FRYL: variants seen among roughly 807,000 people sequenced by gnomAD.
The protein encoded by FRYL is protein furry homolog-like.
In FRYL, 150 loss-of-function variants were observed where a neutral mutation model predicts 351.2. The ratio of observed to expected loss-of-function variants is 0.43; its 90% confidence interval spans 0.37 to 0.49. The LOEUF (loss-of-function observed/expected upper bound fraction) is 0.49. FRYL is among the 20% of genes least tolerant of loss of function. The pLI, the probability that FRYL is intolerant of heterozygous loss-of-function variation, is 0.00. For missense variants in FRYL, 3,036 were observed against 3,619.3 expected (o/e 0.84, Z 4.13); for synonymous variants, 1,153 against 1,257.1 (o/e 0.92, Z 1.75).
chr4:48,683,164 C>T (rs867577626), intron 3 of FRYL, among the ~76,000 whole-genome samples: 2 of 151,226 alleles, frequency 1.3e-5, no homozygotes, highest in African/African-American at 4.9e-5. Flanking sequence ...CAAACTAACA[C>T]AAGAACAGAA....
In FRYL at chr4:48,548,812, T is replaced by C. The variant is rs1165066861; in HGVS notation, c.4785-19A>G. 4 of 1,425,000 alleles carry C rather than the reference T, an allele frequency of 2.8e-6. No homozygotes were observed. Among genetic ancestry groups the C allele is most frequent in the Non-Finnish European group, 2.9e-6 (3 of 1,024,838 alleles). The allele number at this position is 1,425,000 out of a possible 1,614,324, so 88.3% of individuals were successfully genotyped here. On this transcript the variant is annotated intron_variant, in intron 39 of 63. Coordinates refer to ENST00000358350, the MANE Select transcript of FRYL (RefSeq NM_015030.2). ...GTTACACCTATGACAAATAAGAGTT[T>C]CATTAACGTTTTACTAGATCTCAGT...
At chr4:48,569,017 C>G (rs936044722) in intron 27 of FRYL, among the ~76,000 whole-genome samples, 1 of 152,138 alleles carries the variant, frequency 6.6e-6, no homozygotes, top group African/African-American at 2.4e-5. Context: ...CTATTAATAA[C>G]TCTTTAAAAA....
At position 48,510,993 on chromosome 4, in the gene FRYL, A is replaced by G. The variant is rs767012191; in HGVS notation, c.8146-9T>C. The G allele has an allele frequency of 6.2e-7, 1 of 1,602,518 alleles. No individual in the cohort carries two copies. Among genetic ancestry groups the G allele is most frequent in the African/African-American group, 1.3e-5 (1 of 74,338 alleles). ...AACTTTCTTTGAATTGTCTATGGAGAAAAGCAGAAGAAAGAGTTTAGTGTT... is the reference window on the plus strand; with the variant it reads ...AACTTTCTTTGAATTGTCTATGGAGGAAAGCAGAAGAAAGAGTTTAGTGTT... On this transcript the variant is annotated splice_polypyrimidine_tract_variant and intron_variant, in intron 57 of 63. Coordinates refer to ENST00000358350, the MANE Select transcript of FRYL (RefSeq NM_015030.2).
chr4:48,578,862 C>T, intron 23 of FRYL, 111 bp downstream of exon 23: 4 of 862,228 alleles, frequency 4.6e-6, no homozygotes, highest in Middle Eastern at 2.4e-4. Context: ...TGCAGTATCA[C>T]ATATTATTTA....
chr4:48,515,412 G>C, intron 55 of FRYL, 137 bp from the exon 56 acceptor site: 3 of 660,354 alleles, frequency 4.5e-6, no homozygotes, highest in East Asian at 2.8e-5. Context: ...ACCCAGGCTG[G>C]AGTGGAGTGC....
At chr4:48,602,580 A>G (rs776998152) in intron 12 of FRYL, among the ~76,000 whole-genome samples, 5 of 152,176 alleles carry the variant, frequency 3.3e-5, no homozygotes, top group Admixed American at 2.0e-4. Context: ...AAGAAAAAAA[A>G]AAGTACAAAG....
At chr4:48,732,517 G>A (rs1158574736) in intron 1 of FRYL, among the ~76,000 whole-genome samples, 1 of 152,026 alleles carries the variant, frequency 6.6e-6, no homozygotes. Context: ...CAAAGACTTG[G>A]AACCAACCCA....
At position 48,499,046 on chromosome 4, in the gene FRYL, T is replaced by A. The variant is rs1718986827; in HGVS notation, c.*376A>T. The A allele has an allele frequency of 1.5e-5, 3 of 196,898 alleles. No homozygotes were observed. The highest frequency in any genetic ancestry group is 5.4e-5 in the Admixed American group (1 of 18,552). The allele number at this position is 196,898 out of a possible 1,614,324, so 12.2% of individuals were successfully genotyped here. A position where few individuals can be genotyped will look rare whatever the true frequency, so the allele number is the denominator to read the frequency against. Reference sequence around the variant, plus strand: ...TCAGCTAAAATGAAACAGCCTTGATTTCAGCCTCATTTCACCTGCTTTTGG... The same window carrying A: ...TCAGCTAAAATGAAACAGCCTTGATATCAGCCTCATTTCACCTGCTTTTGG... On this transcript the variant is annotated 3_prime_UTR_variant, in exon 64 of 64. Transcript: ENST00000358350.
chr4:48,747,532 G>C (rs910701174), intron 1 of FRYL, among the ~76,000 whole-genome samples: 7 of 152,024 alleles, frequency 4.6e-5, no homozygotes, highest in African/African-American at 1.7e-4. Context: ...TCAGCAATAT[G>C]GACTTTACCA....
chr4:48,670,305 C>T (rs1269729253), intron 3 of FRYL, among the ~76,000 whole-genome samples: 13 of 151,704 alleles, frequency 8.6e-5, no homozygotes, highest in Non-Finnish European at 4.4e-5. Context: ...TGGTGGCACA[C>T]ACCTGTAATC....
intron 27 of FRYL, among the ~76,000 whole-genome samples, chr4:48,568,347 G>C (rs1476316385): frequency 6.6e-6 from 1 of 152,194 alleles, no homozygotes; most frequent in African/African-American, 2.4e-5. Flanking sequence ...TATTTGGTTA[G>C]AGTCAGAAGT....
chr4:48,643,848 G>A (rs1702797), intron 3 of FRYL, among the ~76,000 whole-genome samples: 30,643 of 151,984 alleles, frequency 0.2, 3,434 homozygotes, highest in Admixed American at 0.34. Context: ...TATAAAAGAA[G>A]ATCTGAACAT....
At chr4:48,513,081 G>A (rs1481706194) in intron 56 of FRYL, among the ~76,000 whole-genome samples, 2 of 152,166 alleles carry the variant, frequency 1.3e-5, no homozygotes, top group South Asian at 4.1e-4. Flanking sequence ...TTTTGATCAT[G>A]GTCATTTGTG....
In FRYL at chr4:48,579,182, A is replaced by G. The variant is rs1740311928; in HGVS notation, c.2319T>C (p.Ser773=). The change falls in exon 23 of 64, where the codon TCT becomes TCC. Residue 773 remains serine, a synonymous_variant. Transcript: ENST00000358350. ...IDLQTLAEWN[S]SPISHQFDVI... ...CATCAAACTGGTGGCTAATAGGAGA[A>G]GAGTTCCATTCTGCTAAAGTTTGTA... 1 of 1,613,894 alleles carries G rather than the reference A, an allele frequency of 6.2e-7. No homozygotes were observed. Among genetic ancestry groups the G allele is most frequent in the African/African-American group, 1.3e-5 (1 of 75,052 alleles).
chr4:48,764,585 A>G (rs564700522), intron 1 of FRYL, among the ~76,000 whole-genome samples: 120 of 152,250 alleles, frequency 7.9e-4, no homozygotes, highest in African/African-American at 2.8e-3. Context: ...TCTATACACT[A>G]ACAATAAACT....
At chr4:48,555,689 G>A (rs1454536651) in intron 35 of FRYL, among the ~76,000 whole-genome samples, 1 of 152,156 alleles carries the variant, frequency 6.6e-6, no homozygotes, top group Non-Finnish European at 1.5e-5. Flanking sequence ...GAATATAGGA[G>A]ACACAGTCAG....
At chr4:48,726,661 G>T (rs189686660) in intron 1 of FRYL, among the ~76,000 whole-genome samples, 1 of 152,092 alleles carries the variant, frequency 6.6e-6, no homozygotes. Context: ...CAGTCTGGGC[G>T]ACAGAGCGAG....
chr4:48,510,039 C>T lies in FRYL; in HGVS notation c.8394+20G>A. ...TGTCAAGAGCAAACCACTTTTCGCA[C>T]ATGGTAAAAAGAGACTGACCTGCTC... On this transcript the variant is annotated intron_variant, in intron 59 of 63. Coordinates refer to ENST00000358350, the MANE Select transcript of FRYL (RefSeq NM_015030.2). 2 of 1,567,230 alleles carry T rather than the reference C, an allele frequency of 1.3e-6. No individual in the cohort carries two copies. The highest frequency in any genetic ancestry group is 2.2e-5 in the East Asian group (1 of 44,650).
intron 57 of FRYL, 60 bp from the exon 58 acceptor site, chr4:48,511,044 TAAGTA>T (rs1722366698): frequency 2.6e-6 from 3 of 1,174,122 alleles, no homozygotes; most frequent in Non-Finnish European, 3.7e-6. Context: ...TTTTCATCTT[TAAGTA>T]AAGAAGCATA....
Sources: allele counts gnomAD v4.1 joint callset (sites outside exome capture counted in the v4.1 genomes callset), GRCh38; gene constraint gnomAD v4.1.1; transcripts MANE v1.5; gene names NCBI Gene and HGNC (gene_info 2026-07-23, HGNC 2026-07-21).